Variants in PKHD1L1 observed in about 807,000 individuals in gnomAD.
PKHD1L1 encodes fibrocystin-L.
PKHD1L1 carries 434 observed loss-of-function variants against 462.9 expected under a neutral mutation model. That is an observed-to-expected ratio of 0.94 (90% CI 0.87 to 1.02). PKHD1L1 has a LOEUF of 1.02. PKHD1L1 is among the 50% of genes least tolerant of loss of function. The pLI is 0.00. For missense variants in PKHD1L1, 5,202 were observed against 5,096.1 expected, an observed-to-expected ratio of 1.02 and a Z score of -0.63; for synonymous variants, 1,781 against 1,750.0, an observed-to-expected ratio of 1.02 and a Z score of -0.44.
In PKHD1L1 at chr8:109,412,281, G is replaced by C. The variant is rs373067357; in HGVS notation, c.2102G>C (p.Gly701Ala). The C allele has an allele frequency of 1.2e-6, 2 of 1,613,422 alleles. No individual in the cohort carries two copies. Among genetic ancestry groups the C allele is most frequent in the Non-Finnish European group, 1.7e-6 (2 of 1,179,654 alleles). The change falls in exon 20 of 78, where the codon GGG becomes GCG. Residue 701 changes from glycine to alanine, a missense_variant. Gly to Ala is a moderately conservative substitution (Grantham distance 60). Coordinates refer to ENST00000378402, the MANE Select transcript of PKHD1L1 (RefSeq NM_177531.6). ...TDFNLEHINR[G>A]QKTAETDAYC... ...TTTCGGTAGGAACATATTAACAGAGGGCAGAAGACAGCTGAAACCGATGCT... is the reference window on the plus strand; with the variant it reads ...TTTCGGTAGGAACATATTAACAGAGCGCAGAAGACAGCTGAAACCGATGCT...
chr8:109,390,542 A>T (rs746921631), intron 9 of PKHD1L1, 48 bp downstream of exon 9: 6 of 1,046,002 alleles, frequency 5.7e-6, no homozygotes. Context: ...TCAACAGGGT[A>T]AATAAGATAA....
rs1818203591 is a variant in PKHD1L1, at chr8:109,480,143, A to G, written c.9327+4A>G. Reference sequence around the variant, plus strand: ...TGCTACCTACATATCACTGCAGGTAAGAGTGAGGGCCTTGTAGTTTATATC... The same window carrying G: ...TGCTACCTACATATCACTGCAGGTAGGAGTGAGGGCCTTGTAGTTTATATC... On this transcript the variant is annotated splice_donor_region_variant and intron_variant, in intron 55 of 77. Transcript: ENST00000378402. The G allele has an allele frequency of 2.6e-6, 4 of 1,551,534 alleles. No individual in the cohort carries two copies. Among genetic ancestry groups the G allele is most frequent in the African/African-American group, 1.4e-5 (1 of 72,240 alleles).
In PKHD1L1 at chr8:109,362,498, C is replaced by T. The variant is rs547219438; in HGVS notation, c.-83C>T. The T allele has an allele frequency of 3.0e-6, 4 of 1,354,880 alleles. No individual in the cohort carries two copies. The highest frequency in any genetic ancestry group is 2.0e-4 in the Middle Eastern group (1 of 5,068). The allele number at this position is 1,354,880 out of a possible 1,614,324, so 83.9% of individuals were successfully genotyped here. A position where few individuals can be genotyped will look rare whatever the true frequency, so the allele number is the denominator to read the frequency against. On this transcript the variant is annotated 5_prime_UTR_variant, in exon 1 of 78. Transcript: ENST00000378402. The stretch of plus-strand genomic sequence containing the variant: ...TCCCGGGACGAAGCGGGCCCGCCAG[C>T]GAGTCGCAGTCCCAGGAGCCGAGCT...
intron 31 of PKHD1L1, among the ~76,000 whole-genome samples, 193 bp from the exon 32 acceptor site, chr8:109,438,704 C>A (rs1048371476): frequency 6.6e-6 from 1 of 151,344 alleles, no homozygotes; most frequent in African/African-American, 2.4e-5. Flanking sequence ...TCCTTTTGAG[C>A]AATTGAATGT....
chr8:109,380,474 C>T (rs1812055624), intron 2 of PKHD1L1, among the ~76,000 whole-genome samples: 1 of 152,100 alleles, frequency 6.6e-6, no homozygotes. Flanking sequence ...GTTCTAACAC[C>T]ATGTCTTTGT....
intron 65 of PKHD1L1, among the ~76,000 whole-genome samples, chr8:109,497,942 T>G (rs986281401): frequency 6.6e-6 from 1 of 152,204 alleles, no homozygotes; most frequent in African/African-American, 2.4e-5. Flanking sequence ...TTTACATGTC[T>G]GTCTTCCCTC....
At chr8:109,429,263 C>A in intron 25 of PKHD1L1, 77 bp from the exon 26 acceptor site, 1 of 1,248,070 alleles carries the variant, frequency 8.0e-7, no homozygotes, top group Non-Finnish European at 1.1e-6. Flanking sequence ...TTTGCCTATG[C>A]TGAAATTTAA....
intron 28 of PKHD1L1, among the ~76,000 whole-genome samples, chr8:109,434,243 T>C (rs1213716137): frequency 6.6e-6 from 1 of 152,036 alleles, no homozygotes; most frequent in Non-Finnish European, 1.5e-5. Flanking sequence ...GAACTTAAAG[T>C]ATAATTTTAA....
At chr8:109,378,548 A>G (rs1811952208) in intron 2 of PKHD1L1, among the ~76,000 whole-genome samples, 1 of 152,184 alleles carries the variant, frequency 6.6e-6, no homozygotes, top group Non-Finnish European at 1.5e-5. Context: ...CTACCTCTGA[A>G]AAACTTCCAT....
chr8:109,452,825 C>G lies in PKHD1L1; in HGVS notation c.6615C>G (p.Thr2205=). 6 of 1,530,566 alleles carry G rather than the reference C, an allele frequency of 3.9e-6. No individual in the cohort carries two copies. Among genetic ancestry groups the G allele is most frequent in the Non-Finnish European group, 5.3e-6 (6 of 1,142,266 alleles). The allele number at this position is 1,530,566 out of a possible 1,614,324, so 94.8% of individuals were successfully genotyped here. A position where few individuals can be genotyped will look rare whatever the true frequency, so the allele number is the denominator to read the frequency against. ...GSLVVITKGQ[T]ILLDQSTPIL... ...TTGTTGTTATTACAAAAGGACAGAC[C>G]ATTCTGCTGGATCAAAGCACCCCTA... is the stretch of plus-strand genomic sequence containing the variant. The change falls in exon 43 of 78, where the codon ACC becomes ACG. Residue 2205 remains threonine, a synonymous_variant. Transcript: ENST00000378402.
chr8:109,370,778 G>A (rs571424440), intron 2 of PKHD1L1, among the ~76,000 whole-genome samples: 13 of 152,148 alleles, frequency 8.5e-5, no homozygotes, highest in Non-Finnish European at 1.9e-4. Context: ...TTGTCCTCGC[G>A]ATAGCTTGCT....
At chr8:109,409,797 G>A (rs1813741452) in intron 18 of PKHD1L1, 68 bp from the exon 19 acceptor site, 1 of 750,520 alleles carries the variant, frequency 1.3e-6, no homozygotes, top group Admixed American at 3.4e-5. Flanking sequence ...AGTAGAATCA[G>A]TAGTAGGATT....
intron 53 of PKHD1L1, 21 bp downstream of exon 53, chr8:109,477,417 T>C (rs775877119): frequency 1.3e-6 from 2 of 1,584,894 alleles, no homozygotes; most frequent in Non-Finnish European, 1.7e-6. Flanking sequence ...CTTTTGTAGT[T>C]GATACCCTTC....
chr8:109,465,754 C>A (rs889709336), intron 49 of PKHD1L1, among the ~76,000 whole-genome samples: 6 of 152,068 alleles, frequency 3.9e-5, no homozygotes, highest in Non-Finnish European at 8.8e-5. Flanking sequence ...AGCTGTGAAC[C>A]CTTTTATTCC....
chr8:109,463,399 A>C (rs918179252), intron 48 of PKHD1L1, among the ~76,000 whole-genome samples: 1 of 150,642 alleles, frequency 6.6e-6, no homozygotes, highest in Non-Finnish European at 1.5e-5. Context: ...TCCTCCTGAG[A>C]TATGTTACAT....
At chr8:109,413,124 C>T (rs1407156120) in intron 20 of PKHD1L1, among the ~76,000 whole-genome samples, 2 of 152,028 alleles carry the variant, frequency 1.3e-5, no homozygotes, top group African/African-American at 4.8e-5. Context: ...AGAGTTAGTA[C>T]ATAACTCATC....
At chr8:109,470,043 C>T in intron 50 of PKHD1L1, 1 of 394,060 alleles carries the variant, frequency 2.5e-6, no homozygotes, top group Non-Finnish European at 4.5e-6. Context: ...TTTATTAAAA[C>T]ATGATTTAAG....
At chr8:109,507,384 A>G (rs951823474) in intron 68 of PKHD1L1, among the ~76,000 whole-genome samples, 6 of 152,172 alleles carry the variant, frequency 3.9e-5, no homozygotes, top group Non-Finnish European at 7.4e-5. Context: ...ATTCAACAAT[A>G]TATAGAATAG....
intron 21 of PKHD1L1, among the ~76,000 whole-genome samples, chr8:109,417,358 T>G (rs1218822127): frequency 6.6e-6 from 1 of 152,056 alleles, no homozygotes. Context: ...AACTAAAAAT[T>G]TTTTAAAAAT....
Sources: gnomAD v4.1 joint callset for allele counts (sites outside exome capture counted in the v4.1 genomes callset) on GRCh38, gnomAD v4.1.1 for gene constraint, MANE v1.5 for transcripts, NCBI Gene and HGNC (gene_info 2026-07-23, HGNC 2026-07-21) for gene names.